FER1L5: variants seen among roughly 807,000 people sequenced by gnomAD.
FER1L5 encodes the protein fer-1-like protein 5.
FER1L5 carries 187 observed loss-of-function variants against 279.9 expected under a neutral mutation model. The observed-to-expected ratio is 0.67, with a 90% CI of 0.59 to 0.75. FER1L5 has a LOEUF of 0.75. Ranked by LOEUF, FER1L5 falls within the 30% of genes least tolerant of loss-of-function variation. The probability of loss-of-function intolerance (pLI) is 0.00; values close to 1 mark genes in which losing one functional copy is unlikely to be tolerated. For missense variants in FER1L5, 2,091 were observed against 2,594.4 expected (o/e 0.81, Z 4.21); for synonymous variants, 921 against 989.7 (o/e 0.93, Z 1.30).
chr2:96,653,309 CAG>C (rs2075460894), intron 7 of FER1L5: 1 of 308,248 alleles, frequency 3.2e-6, no homozygotes, highest in African/African-American at 2.3e-5. Context: ...TGCATGGTAT[CAG>C]AAGTGTTTTG....
In FER1L5 at chr2:96,702,218, A is replaced by C; in HGVS notation, c.5160-88A>C. The stretch of plus-strand genomic sequence containing the variant: ...TTCCCCACACTGAGCAAAAACACAC[A>C]GGGCAGCCTCCCAGGCTTCTCTGCC... On this transcript the variant is annotated intron_variant, in intron 46 of 52. Coordinates refer to ENST00000624922, the MANE Select transcript of FER1L5 (RefSeq NM_001293083.2). The surrounding 1 kb of genome is among the most constrained non-coding windows in gnomAD (Gnocchi z 4.0). The C allele has an allele frequency of 6.4e-7, 1 of 1,567,940 alleles. No homozygotes were observed. The highest frequency in any genetic ancestry group is 8.6e-7 in the Non-Finnish European group (1 of 1,156,806).
At chr2:96,653,928 A>G (rs2075488454) in intron 8 of FER1L5, 1 of 536,206 alleles carries the variant, frequency 1.9e-6, no homozygotes, top group Non-Finnish European at 3.3e-6. Context: ...CTGGGCGCCA[A>G]GGTGAACAAG....
chr2:96,659,457 C>CTTTCTTTCTT (rs1558854944), intron 9 of FER1L5, among the ~76,000 whole-genome samples: 16 of 26,456 alleles, frequency 6.0e-4, no homozygotes, highest in African/African-American at 4.8e-3. Context: ...TTCTTTCTTT[C>CTTTCTTTCTT]TTTCTTTCTT....
rs537188230 is a variant in FER1L5, at chr2:96,654,671, C to T, written c.747+175C>T. 9.8e-4 allele frequency: 341 copies of T among 348,610 alleles called. 1 individual carries two copies. The highest frequency in any genetic ancestry group is 1.4e-3 in the Non-Finnish European group (269 of 194,752). 21.6% of individuals were successfully genotyped at this position (348,610 alleles called of 1,614,324 possible). On this transcript the variant is annotated intron_variant, in intron 9 of 52. Transcript: ENST00000624922. ...TCCCAGCACTTTGGGAGGCCGAGGC[C>T]GGTGGATCACGAGGTCAGGAGATCG... is the stretch of plus-strand genomic sequence containing the variant.
chr2:96,693,021 CA>C (rs1171248315), intron 31 of FER1L5, among the ~76,000 whole-genome samples: 2 of 151,964 alleles, frequency 1.3e-5, no homozygotes, highest in South Asian at 2.1e-4. Context: ...ACTAAAAATA[CA>C]AAAATTAGCC....
Position 96,698,221 on chromosome 2 carries a change from A to G in FER1L5, c.4356+65A>G. On this transcript the variant is annotated intron_variant, in intron 40 of 52. Coordinates refer to ENST00000624922, the MANE Select transcript of FER1L5 (RefSeq NM_001293083.2). The surrounding 1 kb of genome is among the most constrained non-coding windows in gnomAD (Gnocchi z 5.5). ...TGCACCTTCTGTCCCTGGAAAACGA[A>G]TAAAAGCCCTGGCTCTATATGCTCA... 1.3e-6 allele frequency: 2 copies of G among 1,512,556 alleles called. No individual in the cohort carries two copies. Among genetic ancestry groups the G allele is most frequent in the Middle Eastern group, 1.7e-4 (1 of 5,786 alleles). 93.7% of individuals were successfully genotyped at this position (1,512,556 alleles called of 1,614,324 possible). A position where few individuals can be genotyped will look rare whatever the true frequency, so the allele number is the denominator to read the frequency against.
chr2:96,688,378 C>T (rs2077014574), intron 24 of FER1L5, among the ~76,000 whole-genome samples: 1 of 152,160 alleles, frequency 6.6e-6, no homozygotes, highest in South Asian at 2.1e-4. Flanking sequence ...CCCTGCAGGC[C>T]CCAGTGGGGT....
chr2:96,696,732 C>G (rs976784761), intron 37 of FER1L5, among the ~76,000 whole-genome samples: 7 of 152,072 alleles, frequency 4.6e-5, no homozygotes, highest in African/African-American at 1.7e-4. Context: ...GAAACCCCAT[C>G]TCTACTAAAA....
chr2:96,647,530 G>A (rs920169030), intron 3 of FER1L5, among the ~76,000 whole-genome samples: 1 of 152,154 alleles, frequency 6.6e-6, no homozygotes, highest in South Asian at 2.1e-4. Context: ...TATTGGCCCA[G>A]CTCTAGCCAG....
At position 96,704,598 on chromosome 2, in the gene FER1L5, T is replaced by A. The variant is rs762022772; in HGVS notation, c.6080T>A (p.Leu2027Gln). The A allele has an allele frequency of 6.2e-7, 1 of 1,613,876 alleles. No individual in the cohort carries two copies. Among genetic ancestry groups the A allele is most frequent in the African/African-American group, 1.3e-5 (1 of 75,004 alleles). The change falls in exon 53 of 53, where the codon CTA becomes CAA. Residue 2027 changes from leucine (L) to glutamine (Q), a missense_variant. By Grantham distance (113) the Leu-to-Gln change is moderately radical. Transcript: ENST00000624922. ...ATCCTTCCCACCCAGGATCCAAACCTAAAGCCTACAATAGACCATGAGTGG... is the reference window on the plus strand; with the variant it reads ...ATCCTTCCCACCCAGGATCCAAACCAAAAGCCTACAATAGACCATGAGTGG... ...SSILPTQDPN[L>Q]KPTIDHEWKL...
chr2:96,680,053 G>A (rs555357820), intron 19 of FER1L5, among the ~76,000 whole-genome samples: 6 of 152,190 alleles, frequency 3.9e-5, no homozygotes, highest in South Asian at 4.1e-4. Flanking sequence ...CTTGCTAGTC[G>A]TGTCCCGCAG....
chr2:96,646,967 G>T, intron 2 of FER1L5, 97 bp from the exon 3 acceptor site: 1 of 1,249,150 alleles, frequency 8.0e-7, no homozygotes, highest in South Asian at 1.4e-5. Flanking sequence ...TTAGAGAAAT[G>T]CAGTGCCAGC....
intron 19 of FER1L5, among the ~76,000 whole-genome samples, chr2:96,678,777 T>G (rs1434780303): frequency 2.6e-5 from 4 of 152,228 alleles, no homozygotes; most frequent in Non-Finnish European, 5.9e-5. Flanking sequence ...TCTTCTTTAG[T>G]GATATGTCTA....
Position 96,651,956 on chromosome 2 carries a change from T to G in FER1L5, c.569T>G (p.Val190Gly). The G allele has an allele frequency of 6.4e-7, 1 of 1,551,840 alleles. No homozygotes were observed. Among genetic ancestry groups the G allele is most frequent in the Non-Finnish European group, 8.7e-7 (1 of 1,147,028 alleles). ...AACAACATCAAACCAGTGGTGAAGGTGTCCATCGCAGGCCAGCAGCACCAG... is the reference window on the plus strand; with the variant it reads ...AACAACATCAAACCAGTGGTGAAGGGGTCCATCGCAGGCCAGCAGCACCAG... ...MGNNIKPVVK[V>G]SIAGQQHQTR... Residue 190 changes from valine to glycine, a missense_variant, in exon 7 of 53, where the codon GTG becomes GGG. Val to Gly is a moderately radical substitution (Grantham distance 109). Coordinates refer to ENST00000624922, the MANE Select transcript of FER1L5 (RefSeq NM_001293083.2).
chr2:96,643,351 T>A (rs893920076), intron 1 of FER1L5, among the ~76,000 whole-genome samples: 2 of 152,188 alleles, frequency 1.3e-5, no homozygotes, highest in African/African-American at 4.8e-5. Flanking sequence ...TATTATTTTT[T>A]ATTTTTTATT....
Position 96,650,231 on chromosome 2 carries a change from T to C in FER1L5, c.446T>C (p.Leu149Pro), listed in dbSNP as rs1433766556. Residue 149 changes from leucine to proline, a missense_variant, in exon 6 of 53, where the codon CTG becomes CCG. Physicochemically the swap from Leu to Pro is moderately conservative, Grantham distance 98. Coordinates refer to ENST00000624922, the MANE Select transcript of FER1L5 (RefSeq NM_001293083.2). Reference protein sequence around the residue: ...ITAREAASQKLMVPGSTAHRA... With the variant: ...ITAREAASQKPMVPGSTAHRA... ...GCAAGAGAGGCAGCCAGTCAGAAAC[T>C]GATGGTCCCTGGCTCCACTGCGCAC... 2 of 1,551,604 alleles carry C rather than the reference T, an allele frequency of 1.3e-6. No individual in the cohort carries two copies. Among genetic ancestry groups the C allele is most frequent in the African/African-American group, 2.7e-5 (2 of 73,062 alleles).
At chr2:96,663,738 T>C (rs2076031783) in intron 14 of FER1L5, among the ~76,000 whole-genome samples, 1 of 152,148 alleles carries the variant, frequency 6.6e-6, no homozygotes, top group South Asian at 2.1e-4. Flanking sequence ...GTATGACTTG[T>C]AGATATTTAA....
At chr2:96,659,311 TTC>T (rs1558852782) in intron 9 of FER1L5, among the ~76,000 whole-genome samples, 21 of 50,954 alleles carry the variant, frequency 4.1e-4, no homozygotes, top group African/African-American at 1.2e-3. Context: ...CCTTCCTTCC[TTC>T]CTTCCTTCCT....
chr2:96,670,215 A>G lies in FER1L5; in HGVS notation c.1459A>G (p.Lys487Glu). ...CAAGTCCTATCAAGACTCCACGATA[A>G]AGGATCTCTCCCATGAAGTGACCAG... ...QIKSYQDSTI[K>E]DLSHEVTRIE... The change falls in exon 18 of 53, where the codon AAG (lysine) becomes GAG (glutamate). Residue 487 changes from lysine to glutamate, a missense_variant. Transcript: ENST00000624922. 6.4e-7 allele frequency: 1 copy of G among 1,551,608 alleles called. No individual in the cohort carries two copies. The highest frequency in any genetic ancestry group is 8.7e-7 in the Non-Finnish European group (1 of 1,146,948).
Sources: gnomAD v4.1 joint callset for allele counts (sites outside exome capture counted in the v4.1 genomes callset) on GRCh38, gnomAD v4.1.1 for gene constraint, Gnocchi (gnomAD v3.1) non-coding constraint, MANE v1.5 for transcripts, NCBI Gene and HGNC (gene_info 2026-07-23, HGNC 2026-07-21) for gene names.